Variants in ARHGAP10 observed in about 807,000 individuals in gnomAD.
ARHGAP10 encodes the protein Rho GTPase activating protein 10, also known as rho GTPase-activating protein 10.
ARHGAP10 carries 87 observed loss-of-function variants against 108.6 expected under a neutral mutation model. The ratio of observed to expected loss-of-function variants is 0.80; its 90% CI spans 0.67 to 0.96. The LOEUF (loss-of-function observed/expected upper bound fraction) is 0.96. ARHGAP10 is among the 40% of genes least tolerant of loss of function. ARHGAP10 has a pLI of 0.00. For missense variants in ARHGAP10, 939 were observed against 954.5 expected (o/e 0.98, Z 0.21); for synonymous variants, 347 against 341.1 (o/e 1.02, Z -0.19).
In ARHGAP10 at chr4:147,844,571, A is replaced by G. The variant is rs556644147; in HGVS notation, c.313-2580A>G. Among the ~76,000 whole-genome samples the G allele has an allele frequency of 3.3e-5, 5 of 152,344 alleles. No homozygotes were observed. The East Asian group carries it at 9.6e-4, about 29-fold the overall frequency. ...GATTTTTGCATCCCACAAATAAGTG[A>G]GAACATGTGATGCTTGTCTGTCTGT... On this transcript the variant is annotated intron_variant, in intron 3 of 22. Transcript: ENST00000336498.
chr4:147,937,909 G>A (rs537764571), intron 13 of ARHGAP10, among the ~76,000 whole-genome samples: 2 of 152,180 alleles, frequency 1.3e-5, no homozygotes, highest in South Asian at 2.1e-4. Context: ...AACCTGTGAG[G>A]TGGAGGTTGC....
At position 147,965,058 on chromosome 4, in the gene ARHGAP10, C is replaced by G; in HGVS notation, c.1485C>G (p.Ile495Met). 6.2e-7 allele frequency: 1 copy of G among 1,601,974 alleles called. No individual in the cohort carries two copies. The highest frequency in any genetic ancestry group is 1.7e-5 in the Admixed American group (1 of 59,002). The stretch of plus-strand genomic sequence containing the variant: ...GCCCAGAATCTCGTGTTAATGCGAT[C>G]CATTTCTTGGTACACAAACTGCCAG... ...SGSPESRVNAIHFLVHKLPEK... is the reference protein window; with the variant it reads ...SGSPESRVNAMHFLVHKLPEK... Residue 495 changes from isoleucine (I) to methionine (M), a missense_variant, in exon 17 of 23, where the codon ATC becomes ATG. By Grantham distance (10) the Ile-to-Met change is conservative (BLOSUM62 1). Coordinates refer to ENST00000336498, the MANE Select transcript of ARHGAP10 (RefSeq NM_024605.4).
Position 147,732,221 on chromosome 4 carries a change from C to T in ARHGAP10, c.-81C>T. ...TCCTCTGTGCTCCCTGAACGCGCGGCGCCGCACCTGGCAGCGGCCTCGGAG... is the reference window on the plus strand; with the variant it reads ...TCCTCTGTGCTCCCTGAACGCGCGGTGCCGCACCTGGCAGCGGCCTCGGAG... On this transcript the variant is annotated 5_prime_UTR_variant, in exon 1 of 23. Transcript: ENST00000336498. 5 of 1,381,646 alleles carry T rather than the reference C, an allele frequency of 3.6e-6. No individual in the cohort carries two copies. Among genetic ancestry groups the T allele is most frequent in the Non-Finnish European group, 4.7e-6 (5 of 1,063,880 alleles). 85.6% of individuals were successfully genotyped at this position (1,381,646 alleles called of 1,614,324 possible). A position where few individuals can be genotyped will look rare whatever the true frequency, so the allele number is the denominator to read the frequency against.
At chr4:147,938,180 AGAG>A (rs979827583) in intron 13 of ARHGAP10, among the ~76,000 whole-genome samples, 51 of 152,178 alleles carry the variant, frequency 3.4e-4, no homozygotes, top group African/African-American at 1.2e-3. Context: ...GTGGACACAT[AGAG>A]GAGAACAACA....
intron 3 of ARHGAP10, among the ~76,000 whole-genome samples, chr4:147,841,889 T>C (rs1340957792): frequency 6.6e-6 from 1 of 152,204 alleles, no homozygotes; most frequent in Non-Finnish European, 1.5e-5. Context: ...TTTGGAAATT[T>C]GCTTACCGAT....
intron 3 of ARHGAP10, among the ~76,000 whole-genome samples, chr4:147,845,303 T>G (rs1733587849): frequency 6.6e-6 from 1 of 152,232 alleles, no homozygotes; most frequent in Admixed American, 6.5e-5. Context: ...GAATGTGCGC[T>G]TATATATCTC....
intron 1 of ARHGAP10, among the ~76,000 whole-genome samples, chr4:147,773,258 A>G (rs908554780): frequency 6.6e-6 from 1 of 152,190 alleles, no homozygotes; most frequent in Non-Finnish European, 1.5e-5. Flanking sequence ...TGTATATATT[A>G]TCATGTCTTC....
chr4:147,906,580 GA>G, intron 10 of ARHGAP10, 57 bp from the exon 11 acceptor site: 1 of 1,571,766 alleles, frequency 6.4e-7, no homozygotes, highest in South Asian at 1.1e-5. Context: ...TAAATCTTAG[GA>G]AAAACTTGCC....
At chr4:148,019,431 A>C (rs1412112907) in intron 18 of ARHGAP10, among the ~76,000 whole-genome samples, 1 of 152,186 alleles carries the variant, frequency 6.6e-6, no homozygotes, top group Non-Finnish European at 1.5e-5. Flanking sequence ...TGCACATGAG[A>C]AAATGAGATA....
chr4:147,760,241 C>T (rs1465785520), intron 1 of ARHGAP10, among the ~76,000 whole-genome samples: 1 of 152,116 alleles, frequency 6.6e-6, no homozygotes, highest in Non-Finnish European at 1.5e-5. Flanking sequence ...TTACAAAAAG[C>T]TTAGGTTTAC....
chr4:147,972,136 G>T (rs1472474183), intron 18 of ARHGAP10, among the ~76,000 whole-genome samples: 1 of 152,140 alleles, frequency 6.6e-6, no homozygotes, highest in Non-Finnish European at 1.5e-5. Context: ...CAGAGATTTG[G>T]TGCTCAAACT....
At chr4:148,061,466 T>C (rs756890974) in intron 20 of ARHGAP10, among the ~76,000 whole-genome samples, 1 of 150,946 alleles carries the variant, frequency 6.6e-6, no homozygotes, top group Non-Finnish European at 1.5e-5. Flanking sequence ...CCTTTTCTGC[T>C]AAAAAAAAAT....
At chr4:147,843,517 TTTTTTCTTTTTC>T (rs147858413) in intron 3 of ARHGAP10, among the ~76,000 whole-genome samples, 15 of 152,070 alleles carry the variant, frequency 9.9e-5, no homozygotes, top group African/African-American at 3.1e-4. Flanking sequence ...TGAACTCCTT[TTTTTTCTTTTTC>T]TTTTTCTTTT....
At chr4:147,863,227 T>A (rs537983296) in intron 5 of ARHGAP10, 1 of 152,368 alleles carries the variant, frequency 6.6e-6, no homozygotes, top group East Asian at 1.9e-4. Context: ...ACTGCAGCTC[T>A]GTACCTATTA....
intron 4 of ARHGAP10, among the ~76,000 whole-genome samples, chr4:147,847,668 A>C (rs1319100221): frequency 1.3e-5 from 2 of 152,204 alleles, no homozygotes; most frequent in East Asian, 1.9e-4. Flanking sequence ...CCTTCAATTT[A>C]ACAAAAATTT....
chr4:147,874,134 C>T (rs559036905), intron 7 of ARHGAP10, among the ~76,000 whole-genome samples: 45 of 152,202 alleles, frequency 3.0e-4, no homozygotes, highest in Admixed American at 6.5e-4. Context: ...CATTTTGCCA[C>T]GCTTAGGACC....
chr4:148,046,155 G>A (rs1217643305), intron 19 of ARHGAP10, among the ~76,000 whole-genome samples: 2 of 152,186 alleles, frequency 1.3e-5, no homozygotes, highest in African/African-American at 4.8e-5. Context: ...GCTCTTGTGA[G>A]CTCTCTTGTC....
At chr4:147,748,857 G>A (rs1729034798) in intron 1 of ARHGAP10, among the ~76,000 whole-genome samples, 1 of 152,122 alleles carries the variant, frequency 6.6e-6, no homozygotes. Flanking sequence ...TACTTGGGAG[G>A]CTGAGGTGGG....
At chr4:147,732,491 T>TGGCGA (rs1728255869) in intron 1 of ARHGAP10, 36 bp downstream of exon 1, 2 of 1,603,910 alleles carry the variant, frequency 1.2e-6, no homozygotes, top group South Asian at 2.2e-5. Context: ...GGCTGCGGCG[T>TGGCGA]GGCGAGGCGG....
Sources: allele counts gnomAD v4.1 joint callset (sites outside exome capture counted in the v4.1 genomes callset), GRCh38; gene constraint gnomAD v4.1.1; transcripts MANE v1.5; gene names NCBI Gene and HGNC (gene_info 2026-07-23, HGNC 2026-07-21).